Variants in IL20RB observed in about 807,000 individuals in gnomAD.
IL20RB encodes the protein interleukin 20 receptor subunit beta.
In IL20RB, 21 loss-of-function variants were observed where a neutral mutation model predicts 33.3. The observed-to-expected ratio is 0.63, with a 90% CI of 0.45 to 0.91. The LOEUF (loss-of-function observed/expected upper bound fraction) is 0.91. Among genes scored for constraint, IL20RB ranks in the 40% least tolerant of loss-of-function variants. The pLI, the probability that IL20RB is intolerant of heterozygous loss-of-function variation, is 0.00. For missense variants in IL20RB, 345 were observed against 384.8 expected, an observed-to-expected ratio of 0.90 and a Z score of 0.86; for synonymous variants, 147 against 146.8, an observed-to-expected ratio of 1.00 and a Z score of -0.01.
At chr3:136,996,728 A>T (rs1942137547) in intron 6 of IL20RB, among the ~76,000 whole-genome samples, 1 of 152,144 alleles carries the variant, frequency 6.6e-6, no homozygotes, top group African/African-American at 2.4e-5. Flanking sequence ...CTAAGGCTTT[A>T]TATTTATTGA....
At chr3:136,994,490 A>G (rs1339000242) in intron 5 of IL20RB, among the ~76,000 whole-genome samples, 6 of 152,162 alleles carry the variant, frequency 3.9e-5, no homozygotes, top group Non-Finnish European at 8.8e-5. Context: ...GATGCATACC[A>G]CCAAAATATT....
At chr3:136,979,466 A>T (rs1459759086) in intron 1 of IL20RB, among the ~76,000 whole-genome samples, 1 of 152,204 alleles carries the variant, frequency 6.6e-6, no homozygotes, top group African/African-American at 2.4e-5. Context: ...CAGCAAAGGG[A>T]GGCAGGTGTT....
chr3:136,985,633 G>A (rs1330962377), intron 3 of IL20RB, among the ~76,000 whole-genome samples: 1 of 152,130 alleles, frequency 6.6e-6, no homozygotes, highest in Non-Finnish European at 1.5e-5. Context: ...CGCTACGCCT[G>A]GCTGAGGGTC....
chr3:137,002,349 C>G (rs1417564191), intron 6 of IL20RB, among the ~76,000 whole-genome samples: 1 of 152,208 alleles, frequency 6.6e-6, no homozygotes, highest in African/African-American at 2.4e-5. Context: ...GGAATTGCCA[C>G]ACTGTCTTCC....
intron 6 of IL20RB, among the ~76,000 whole-genome samples, chr3:137,002,390 A>G (rs1442045318): frequency 6.6e-6 from 1 of 152,230 alleles, no homozygotes; most frequent in Non-Finnish European, 1.5e-5. Context: ...CACTCCCACC[A>G]ACAGTGTAAA....
At chr3:137,007,218 G>A (rs1383341405) in intron 6 of IL20RB, among the ~76,000 whole-genome samples, 1 of 152,066 alleles carries the variant, frequency 6.6e-6, no homozygotes, top group African/African-American at 2.4e-5. Context: ...ACTGGGAGGT[G>A]TCTCCCAGTT....
chr3:136,986,748 C>T (rs572888074), intron 3 of IL20RB: 247 of 456,902 alleles, frequency 5.4e-4, no homozygotes, highest in Middle Eastern at 1.0e-3. Context: ...GGTTCTTGAT[C>T]TCACTGACTT....
chr3:136,986,700 CCTTT>C (rs763405064), intron 3 of IL20RB: 1 of 456,764 alleles, frequency 2.2e-6, no homozygotes, highest in South Asian at 1.5e-5. Context: ...GTAGGAACTG[CCTTT>C]CTTCTGAGTG....
chr3:136,960,831 A>C (rs1424522243), intron 1 of IL20RB, among the ~76,000 whole-genome samples: 1 of 152,200 alleles, frequency 6.6e-6, no homozygotes. Flanking sequence ...AGGAGGGACA[A>C]AGGAAAGGAA....
chr3:136,969,714 T>C (rs1160174141), intron 1 of IL20RB, among the ~76,000 whole-genome samples: 1 of 152,198 alleles, frequency 6.6e-6, no homozygotes, highest in Non-Finnish European at 1.5e-5. Context: ...CTGTTCCTAT[T>C]CGGCCATCTT....
chr3:136,958,965 G>A lies in IL20RB; in HGVS notation c.88+764G>A, dbSNP rs556914804. Among the ~76,000 whole-genome samples the A allele has an allele frequency of 6.2e-4, 95 of 152,088 alleles. No homozygotes were observed. The East Asian group carries it at 0.01, about 16-fold the overall frequency. On this transcript the variant is annotated intron_variant, in intron 1 of 6. Transcript: ENST00000329582. ...TGTCTCACTCTCTGTGTGTGTGTGT[G>A]TGTTTTACACAGAACTAATTTAATT... is the stretch of plus-strand genomic sequence containing the variant.
chr3:136,988,475 C>T (rs564548457), intron 3 of IL20RB, among the ~76,000 whole-genome samples: 1 of 152,250 alleles, frequency 6.6e-6, no homozygotes, highest in East Asian at 1.9e-4. Flanking sequence ...CACATTGGCT[C>T]ACTCCTGTAA....
At chr3:136,960,467 C>A (rs1000530114) in intron 1 of IL20RB, among the ~76,000 whole-genome samples, 1 of 152,132 alleles carries the variant, frequency 6.6e-6, no homozygotes, top group African/African-American at 2.4e-5. Flanking sequence ...TCATAGAAAT[C>A]ATTTGCCTTG....
At chr3:137,009,343 A>C (rs1286610450) in intron 6 of IL20RB, among the ~76,000 whole-genome samples, 1 of 152,184 alleles carries the variant, frequency 6.6e-6, no homozygotes, top group Non-Finnish European at 1.5e-5. Context: ...TGATGTCTGC[A>C]TGTTTATAAC....
intron 6 of IL20RB, among the ~76,000 whole-genome samples, chr3:137,000,577 T>C (rs1374647017): frequency 6.6e-6 from 1 of 152,236 alleles, no homozygotes; most frequent in African/African-American, 2.4e-5. Context: ...AATATTTGGG[T>C]CAGTTTTAAA....
In IL20RB at chr3:136,980,526, A is replaced by G; in HGVS notation, c.149A>G (p.His50Arg). The G allele has an allele frequency of 1.2e-6, 2 of 1,614,066 alleles. No individual in the cohort carries two copies. The highest frequency in any genetic ancestry group is 2.7e-5 in the African/African-American group (2 of 75,056). Residue 50 changes from histidine to arginine, a missense_variant, in exon 2 of 7, where the codon CAT (histidine) becomes CGT (arginine). Physicochemically the swap from His to Arg is conservative, Grantham distance 29. Transcript: ENST00000329582. ...TCTGTACTCTCAACCAACATGAAGC[A>G]TCTCTTGATGTGGAGCCCAGTGATC... is the stretch of plus-strand genomic sequence containing the variant. ...NLSVLSTNMK[H>R]LLMWSPVIAP... is the part of the protein sequence containing the mutation.
chr3:136,974,986 A>G (rs1941580580), intron 1 of IL20RB, among the ~76,000 whole-genome samples: 1 of 152,128 alleles, frequency 6.6e-6, no homozygotes, highest in Non-Finnish European at 1.5e-5. Context: ...ATCTCTTTGG[A>G]AATTTCTCAT....
intron 6 of IL20RB, among the ~76,000 whole-genome samples, chr3:136,996,509 A>ACT (rs1432042063): frequency 6.6e-6 from 1 of 151,822 alleles, no homozygotes; most frequent in Admixed American, 6.6e-5. Context: ...GCCTGGAGTC[A>ACT]CTCTTTCTGA....
chr3:136,962,917 A>G lies in IL20RB; in HGVS notation c.88+4716A>G, dbSNP rs72978749. Among the ~76,000 whole-genome samples, 670 of 151,774 alleles carry G rather than the reference A, an allele frequency of 4.4e-3. 9 individuals are homozygous for G. Among genetic ancestry groups the G allele is most frequent in the African/African-American group, 0.016 (642 of 41,396 alleles). ...GGGGAAAAACTGATGAAATCTGATT[A>G]AATACTGAAGCTTAGTTAATAATAT... On this transcript the variant is annotated intron_variant, in intron 1 of 6. Coordinates refer to ENST00000329582, the MANE Select transcript of IL20RB (RefSeq NM_144717.4).
Sources: allele counts gnomAD v4.1 joint callset (sites outside exome capture counted in the v4.1 genomes callset), GRCh38; gene constraint gnomAD v4.1.1; transcripts MANE v1.5; gene names NCBI Gene and HGNC (gene_info 2026-07-23, HGNC 2026-07-21).